MEX3C: variants seen among roughly 807,000 people sequenced by gnomAD.
MEX3C encodes the protein RNA-binding E3 ubiquitin-protein ligase MEX3C.
A neutral mutation model predicts 35.5 loss-of-function variants in MEX3C; 15 were observed. The ratio of observed to expected loss-of-function variants is 0.42; its 90% CI spans 0.28 to 0.65. MEX3C has a LOEUF of 0.65. MEX3C is among the 30% of genes least tolerant of loss of function. The probability of loss-of-function intolerance (pLI) is 0.20; values close to 1 mark genes in which losing one functional copy is unlikely to be tolerated. For synonymous variants in MEX3C, 390 were observed against 352.8 expected (o/e 1.11, Z -1.18); for missense variants, 711 against 842.8 (o/e 0.84, Z 1.94).
chr18:51,197,611 T>C lies in MEX3C; in HGVS notation c.-291A>G, dbSNP rs1912855880. ...AGCGGCTCCCCTCTCAGTGTTTCTT[T>C]TGTTTCATGGCCTTAACCAGCCCCC... is the stretch of plus-strand genomic sequence containing the variant. On this transcript the variant is annotated 5_prime_UTR_variant, in exon 1 of 2. Transcript: ENST00000406189. 6.6e-6 allele frequency among the ~76,000 whole-genome samples: 1 copy of C among 150,922 alleles called. No homozygotes were observed. The highest frequency in any genetic ancestry group is 2.4e-5 in the African/African-American group (1 of 41,032).
intron 1 of MEX3C, among the ~76,000 whole-genome samples, chr18:51,183,814 C>CA (rs1244061359): frequency 2.0e-5 from 3 of 151,382 alleles, no homozygotes; most frequent in East Asian, 3.9e-4. Flanking sequence ...GCTGTTTCTA[C>CA]AAAAAAACAA....
chr18:51,193,233 G>A (rs965168696), intron 1 of MEX3C: 3 of 152,144 alleles, frequency 2.0e-5, no homozygotes, highest in Admixed American at 1.3e-4. Flanking sequence ...AAAGAAGCTA[G>A]AGACGACTTT....
chr18:51,187,800 T>C (rs1237144042), intron 1 of MEX3C, among the ~76,000 whole-genome samples: 1 of 152,208 alleles, frequency 6.6e-6, no homozygotes, highest in East Asian at 1.9e-4. Context: ...ATTAATAATT[T>C]TATACAAAAT....
At chr18:51,180,369 G>C (rs564319774) in intron 1 of MEX3C, among the ~76,000 whole-genome samples, 26 of 152,180 alleles carry the variant, frequency 1.7e-4, no homozygotes, top group Non-Finnish European at 2.9e-4. Context: ...GGCCACTCTT[G>C]AGACAGGGGA....
chr18:51,175,471 T>C lies in MEX3C; in HGVS notation c.*880A>G, dbSNP rs1912279361. ...TAAATTACTAAAAAATAAAAATATATTTATAATGTGCAAGACAAATATGGA... is the reference window on the plus strand; with the variant it reads ...TAAATTACTAAAAAATAAAAATATACTTATAATGTGCAAGACAAATATGGA... On this transcript the variant is annotated 3_prime_UTR_variant, in exon 2 of 2. Coordinates refer to ENST00000406189, the MANE Select transcript of MEX3C (RefSeq NM_016626.5). 1.3e-5 allele frequency: 2 copies of C among 152,630 alleles called. No individual in the cohort carries two copies. The highest frequency in any genetic ancestry group is 4.8e-5 in the African/African-American group (2 of 41,442). 9.5% of individuals were successfully genotyped at this position (152,630 alleles called of 1,614,324 possible).
intron 1 of MEX3C, among the ~76,000 whole-genome samples, chr18:51,179,691 G>A (rs551870512): frequency 6.6e-6 from 1 of 152,228 alleles, no homozygotes; most frequent in Non-Finnish European, 1.5e-5. Context: ...TAGAAGAACA[G>A]AGAGTACAAT....
intron 1 of MEX3C, among the ~76,000 whole-genome samples, chr18:51,186,759 C>A (rs1363577089): frequency 2.0e-5 from 3 of 148,252 alleles, no homozygotes. Flanking sequence ...TATGTATGAC[C>A]ACTGTTATGA....
chr18:51,193,473 T>C (rs910958659), intron 1 of MEX3C: 1 of 152,208 alleles, frequency 6.6e-6, no homozygotes, highest in African/African-American at 2.4e-5. Context: ...GAACAAAACC[T>C]GCTGACTAAA....
chr18:51,180,015 G>A (rs1912389785), intron 1 of MEX3C, among the ~76,000 whole-genome samples: 1 of 124,270 alleles, frequency 8.0e-6, no homozygotes, highest in Non-Finnish European at 1.8e-5. Flanking sequence ...TAAGGACAAA[G>A]GGAGAATTAG....
chr18:51,197,180 C>T lies in MEX3C; in HGVS notation c.141G>A (p.Leu47=). ...CTAGCGCGGCCAAGCGCTCCCTCAG[C>T]AGGAGCCCGTCCCCCTCGAGCTCCG... ...GGPELEGDGL[L]LRERLAALGL... The change falls in exon 1 of 2, where the codon CTG becomes CTA. Residue 47 remains leucine, a synonymous_variant. Coordinates refer to ENST00000406189, the MANE Select transcript of MEX3C (RefSeq NM_016626.5). 2 of 1,035,828 alleles carry T rather than the reference C, an allele frequency of 1.9e-6. No homozygotes were observed. Among genetic ancestry groups the T allele is most frequent in the Non-Finnish European group, 2.3e-6 (2 of 866,102 alleles). The allele number at this position is 1,035,828 out of a possible 1,614,324, so 64.2% of individuals were successfully genotyped here.
In MEX3C at chr18:51,174,833, C is replaced by G. The variant is rs1387432057; in HGVS notation, c.*1518G>C. ...GTTTGTGGTTTTTAGAAACAGTACA[C>G]GCACCTAATATATGTCGATTCCTTG... On this transcript the variant is annotated 3_prime_UTR_variant, in exon 2 of 2. Coordinates refer to ENST00000406189, the MANE Select transcript of MEX3C (RefSeq NM_016626.5). The G allele has an allele frequency of 1.3e-5, 2 of 152,512 alleles. No individual in the cohort carries two copies. Among genetic ancestry groups the G allele is most frequent in the Non-Finnish European group, 2.9e-5 (2 of 68,024 alleles). 9.4% of individuals were successfully genotyped at this position (152,512 alleles called of 1,614,324 possible).
chr18:51,180,729 C>T (rs145319439), intron 1 of MEX3C, among the ~76,000 whole-genome samples: 1,564 of 152,234 alleles, frequency 0.01, 31 homozygotes, highest in African/African-American at 0.036. Flanking sequence ...GTGATCTGCC[C>T]GCGTTGGCCT....
chr18:51,180,303 A>G (rs1212165257), intron 1 of MEX3C, among the ~76,000 whole-genome samples: 1 of 152,110 alleles, frequency 6.6e-6, no homozygotes, highest in African/African-American at 2.4e-5. Flanking sequence ...GTATTAATAA[A>G]TAGGTGTTTA....
In MEX3C at chr18:51,196,778, C is replaced by CGCCGCG. The variant is rs1192087879; in HGVS notation, c.537_542dup (p.Ala183_Ala184dup). ...CTCCGTACAGCACCCCCGCCGCCGC[C>CGCCGCG]GCCGCGGCCGCCGCCTCCCGGGCAT... On this transcript the variant is annotated inframe_insertion, in exon 1 of 2. Transcript: ENST00000406189. The CGCCGCG allele has an allele frequency of 1.9e-5, 10 of 526,340 alleles. No homozygotes were observed. The highest frequency in any genetic ancestry group is 4.3e-5 in the African/African-American group (2 of 46,224). The allele number at this position is 526,340 out of a possible 1,614,324, so 32.6% of individuals were successfully genotyped here. A position where few individuals can be genotyped will look rare whatever the true frequency, so the allele number is the denominator to read the frequency against.
At position 51,174,822 on chromosome 18, in the gene MEX3C, G is replaced by T. The variant is rs185021726; in HGVS notation, c.*1529C>A. 1.3e-5 allele frequency: 2 copies of T among 152,666 alleles called. No individual in the cohort carries two copies. Among genetic ancestry groups the T allele is most frequent in the African/African-American group, 2.4e-5 (1 of 41,558 alleles). The allele number at this position is 152,666 out of a possible 1,614,324, so 9.5% of individuals were successfully genotyped here. A position where few individuals can be genotyped will look rare whatever the true frequency, so the allele number is the denominator to read the frequency against. The stretch of plus-strand genomic sequence containing the variant: ...TATCATTCTTAGTTTGTGGTTTTTA[G>T]AAACAGTACACGCACCTAATATATG... On this transcript the variant is annotated 3_prime_UTR_variant, in exon 2 of 2. Coordinates refer to ENST00000406189, the MANE Select transcript of MEX3C (RefSeq NM_016626.5).
At chr18:51,181,751 A>G (rs541592754) in intron 1 of MEX3C, among the ~76,000 whole-genome samples, 1 of 152,334 alleles carries the variant, frequency 6.6e-6, no homozygotes, top group South Asian at 2.1e-4. Flanking sequence ...AAAGTGGTTG[A>G]CCTAGGGGGA....
intron 1 of MEX3C, among the ~76,000 whole-genome samples, chr18:51,187,809 A>C (rs1039729676): frequency 6.6e-6 from 1 of 152,256 alleles, no homozygotes; most frequent in African/African-American, 2.4e-5. Context: ...TTTATACAAA[A>C]TAAGGTCCCT....
At position 51,197,247 on chromosome 18, in the gene MEX3C, GGCGGCGGGGGCGGCT is replaced by G; in HGVS notation, c.59_73del (p.Gln20_Pro24del). 1.0e-6 allele frequency: 1 copy of G among 964,876 alleles called. No individual in the cohort carries two copies. Among genetic ancestry groups the G allele is most frequent in the Non-Finnish European group, 1.2e-6 (1 of 813,150 alleles). The allele number at this position is 964,876 out of a possible 1,614,324, so 59.8% of individuals were successfully genotyped here. Reference sequence around the variant, plus strand: ...CGGCAGAGGCGGCGGTGGCGGCGGCGGCGGCGGGGGCGGCTGCGGCAGGGGGGCCGGGGCCGCCGC... The same window carrying G: ...CGGCAGAGGCGGCGGTGGCGGCGGCGGCGGCAGGGGGGCCGGGGCCGCCGC... On this transcript the variant is annotated inframe_deletion, in exon 1 of 2. Coordinates refer to ENST00000406189, the MANE Select transcript of MEX3C (RefSeq NM_016626.5).
intron 1 of MEX3C, among the ~76,000 whole-genome samples, chr18:51,188,786 T>C (rs1418546620): frequency 6.6e-6 from 1 of 152,174 alleles, no homozygotes; most frequent in Non-Finnish European, 1.5e-5. Context: ...ATATTAATAA[T>C]GCAAAGATGA....
Sources: gnomAD v4.1 joint callset for allele counts (sites outside exome capture counted in the v4.1 genomes callset) on GRCh38, gnomAD v4.1.1 for gene constraint, MANE v1.5 for transcripts, NCBI Gene and HGNC (gene_info 2026-07-23, HGNC 2026-07-21) for gene names.